The following LRRC7 variants were observed in gnomAD, a reference collection of about 807,000 sequenced individuals.
LRRC7 encodes leucine-rich repeat-containing protein 7.
In LRRC7, 23 loss-of-function variants were observed where a neutral mutation model predicts 175.7. The observed-to-expected ratio is 0.13, with a 90% CI of 0.09 to 0.19. LRRC7 has a LOEUF of 0.19. Ranked by LOEUF, LRRC7 falls within the 10% of genes least tolerant of loss-of-function variation. LRRC7 has a pLI of 1.00. For missense variants in LRRC7, 1,354 were observed against 1,904.7 expected (o/e 0.71, Z 5.38); for synonymous variants, 685 against 680.9 (o/e 1.01, Z -0.09).
intron 1 of LRRC7, among the ~76,000 whole-genome samples, chr1:69,670,740 C>A (rs1031209984): frequency 5.9e-5 from 9 of 152,270 alleles, no homozygotes; most frequent in South Asian, 2.1e-4. Context: ...GTCCTTTCCA[C>A]TCTTCCCTCC....
chr1:69,916,524 T>A (rs1646722950), intron 7 of LRRC7, among the ~76,000 whole-genome samples: 2 of 151,786 alleles, frequency 1.3e-5, no homozygotes, highest in Non-Finnish European at 2.9e-5. Flanking sequence ...AACTAACGTA[T>A]CCTCATTATA....
intron 2 of LRRC7, among the ~76,000 whole-genome samples, chr1:69,689,704 G>C (rs1320710639): frequency 6.6e-6 from 1 of 152,060 alleles, no homozygotes; most frequent in African/African-American, 2.4e-5. Flanking sequence ...TTAGTACAAG[G>C]GGGCTCAAGA....
chr1:69,904,800 G>T (rs1293279588), intron 7 of LRRC7, among the ~76,000 whole-genome samples: 9 of 152,188 alleles, frequency 5.9e-5, no homozygotes, highest in African/African-American at 1.9e-4. Flanking sequence ...CCAATAAGCA[G>T]TTTTTCTATT....
chr1:69,976,198 A>G (rs1311887483), intron 8 of LRRC7, among the ~76,000 whole-genome samples: 3 of 152,190 alleles, frequency 2.0e-5, no homozygotes, highest in Non-Finnish European at 2.9e-5. Flanking sequence ...ATTAAGTAGT[A>G]TTAACTCACA....
At chr1:69,822,845 A>G (rs1295948668) in intron 4 of LRRC7, among the ~76,000 whole-genome samples, 1 of 152,104 alleles carries the variant, frequency 6.6e-6, no homozygotes, top group Non-Finnish European at 1.5e-5. Context: ...CCACAAAAAT[A>G]CTCTCATCTG....
At chr1:70,061,166 T>G (rs1661549515) in intron 23 of LRRC7, among the ~76,000 whole-genome samples, 1 of 152,162 alleles carries the variant, frequency 6.6e-6, no homozygotes, top group Non-Finnish European at 1.5e-5. Flanking sequence ...CTCATTTTTC[T>G]CCTCCGAGAG....
At chr1:69,604,193 T>C (rs984807914) in intron 1 of LRRC7, among the ~76,000 whole-genome samples, 3 of 152,136 alleles carry the variant, frequency 2.0e-5, no homozygotes, top group African/African-American at 7.2e-5. Flanking sequence ...ATTTTTCAAA[T>C]TCAAAATCTA....
At chr1:69,676,206 T>C (rs957510558) in intron 1 of LRRC7, among the ~76,000 whole-genome samples, 1 of 152,008 alleles carries the variant, frequency 6.6e-6, no homozygotes, top group Non-Finnish European at 1.5e-5. Flanking sequence ...AACATACTGC[T>C]TTTGTGGGAT....
In LRRC7 at chr1:70,136,598, A is replaced by C. The variant is rs1403865615; in HGVS notation, c.*14711A>C. On this transcript the variant is annotated 3_prime_UTR_variant, in exon 27 of 27. Coordinates refer to ENST00000651989, the MANE Select transcript of LRRC7 (RefSeq NM_001370785.2). ...CACAGTCTAGTGGGGAGACACACAA[A>C]AAGTCTAATAAATGCTATCGTGTAG... Among the ~76,000 whole-genome samples the C allele has an allele frequency of 1.3e-5, 2 of 152,162 alleles. No individual in the cohort carries two copies. Among genetic ancestry groups the C allele is most frequent in the Non-Finnish European group, 2.9e-5 (2 of 68,024 alleles).
intron 9 of LRRC7, among the ~76,000 whole-genome samples, chr1:69,982,140 A>T (rs753087235): frequency 6.6e-6 from 1 of 152,246 alleles, no homozygotes; most frequent in Admixed American, 6.5e-5. Flanking sequence ...AAATTTCTCA[A>T]TAAGTTTGTT....
chr1:69,817,861 A>G (rs1333141205), intron 4 of LRRC7, among the ~76,000 whole-genome samples: 1 of 152,124 alleles, frequency 6.6e-6, no homozygotes, highest in African/African-American at 2.4e-5. Flanking sequence ...ATTTATTTCT[A>G]AGTGTGGTAT....
intron 1 of LRRC7, among the ~76,000 whole-genome samples, chr1:69,642,355 A>G (rs1346982304): frequency 1.3e-5 from 2 of 152,030 alleles, no homozygotes; most frequent in Non-Finnish European, 2.9e-5. Context: ...CAAATATCAA[A>G]AAGTTATGAT....
chr1:69,820,917 G>C (rs1679216944), intron 4 of LRRC7, among the ~76,000 whole-genome samples: 1 of 152,138 alleles, frequency 6.6e-6, no homozygotes, highest in Non-Finnish European at 1.5e-5. Flanking sequence ...TCTAGTTCTA[G>C]ATCCTTAAGC....
chr1:69,908,110 G>C (rs141503460), intron 7 of LRRC7, among the ~76,000 whole-genome samples: 22 of 152,020 alleles, frequency 1.4e-4, no homozygotes, highest in Admixed American at 3.3e-4. Context: ...TGGTGATATC[G>C]CCTTTATCAT....
At chr1:69,910,888 A>T (rs1374366660) in intron 7 of LRRC7, among the ~76,000 whole-genome samples, 1 of 152,172 alleles carries the variant, frequency 6.6e-6, no homozygotes, top group Non-Finnish European at 1.5e-5. Flanking sequence ...TGCCTAATCA[A>T]GCCTGGGCAA....
intron 22 of LRRC7, among the ~76,000 whole-genome samples, chr1:70,051,224 A>G (rs1481455349): frequency 6.6e-6 from 1 of 152,026 alleles, no homozygotes; most frequent in Non-Finnish European, 1.5e-5. Flanking sequence ...ATGTGGAGAA[A>G]AAGGAAACCT....
At chr1:69,888,354 A>G (rs1384118481) in intron 7 of LRRC7, among the ~76,000 whole-genome samples, 1 of 152,132 alleles carries the variant, frequency 6.6e-6, no homozygotes, top group Admixed American at 6.5e-5. Context: ...GAAAAGCGCA[A>G]TATTCGGGTG....
At chr1:69,968,826 G>GTT (rs111997533) in intron 8 of LRRC7, among the ~76,000 whole-genome samples, 6 of 147,422 alleles carry the variant, frequency 4.1e-5, no homozygotes, top group Admixed American at 6.8e-5. Context: ...TTTTGTTTTT[G>GTT]TTTTTTTTTT....
chr1:69,881,382 A>G (rs1445801365), intron 7 of LRRC7, among the ~76,000 whole-genome samples: 1 of 152,226 alleles, frequency 6.6e-6, no homozygotes, highest in African/African-American at 2.4e-5. Flanking sequence ...CAATGAAACC[A>G]GTACTTGTAT....
Sources: gnomAD v4.1 joint callset for allele counts (sites outside exome capture counted in the v4.1 genomes callset) on GRCh38, gnomAD v4.1.1 for gene constraint, MANE v1.5 for transcripts, NCBI Gene and HGNC (gene_info 2026-07-23, HGNC 2026-07-21) for gene names.